The following CCSER1 variants were observed in gnomAD, a reference collection of about 807,000 sequenced individuals.
The protein encoded by CCSER1 is serine-rich coiled-coil domain-containing protein 1.
CCSER1 carries 41 observed loss-of-function variants against 82.0 expected under a neutral mutation model. That is an observed-to-expected ratio of 0.50 (90% confidence interval 0.39 to 0.65). CCSER1 has a LOEUF of 0.65. CCSER1 is among the 30% of genes least tolerant of loss of function. The pLI, the probability that CCSER1 is intolerant of heterozygous loss-of-function variation, is 0.00. For synonymous variants in CCSER1, 414 were observed against 383.9 expected (o/e 1.08, Z -0.92); for missense variants, 1,119 against 1,064.2 (o/e 1.05, Z -0.72).
At chr4:90,161,679 G>T (rs1352963146) in intron 1 of CCSER1, among the ~76,000 whole-genome samples, 4 of 152,024 alleles carry the variant, frequency 2.6e-5, no homozygotes, top group African/African-American at 9.7e-5. Context: ...TTGAATCAGT[G>T]TGAATTAATA....
intron 10 of CCSER1, among the ~76,000 whole-genome samples, chr4:91,353,452 G>A (rs1191394128): frequency 1.3e-5 from 2 of 152,186 alleles, no homozygotes; most frequent in Non-Finnish European, 2.9e-5. Flanking sequence ...TAACTACTGG[G>A]TTTAGGCCAG....
At chr4:91,403,566 C>G (rs1395494579) in intron 10 of CCSER1, among the ~76,000 whole-genome samples, 1 of 152,042 alleles carries the variant, frequency 6.6e-6, no homozygotes, top group Non-Finnish European at 1.5e-5. Flanking sequence ...TGAGATACGT[C>G]CCATCGATAC....
At chr4:91,150,197 C>T (rs1234261878) in intron 10 of CCSER1, among the ~76,000 whole-genome samples, 1 of 152,136 alleles carries the variant, frequency 6.6e-6, no homozygotes, top group East Asian at 1.9e-4. Flanking sequence ...TCCTTCACAT[C>T]CCTTGTAAGT....
intron 6 of CCSER1, among the ~76,000 whole-genome samples, chr4:90,655,118 C>T (rs1422652029): frequency 6.6e-6 from 1 of 151,830 alleles, no homozygotes; most frequent in Non-Finnish European, 1.5e-5. Context: ...GATATTTGGC[C>T]TGGTGGTTTT....
chr4:90,428,836 A>G (rs1757879589), intron 4 of CCSER1, among the ~76,000 whole-genome samples: 1 of 151,876 alleles, frequency 6.6e-6, no homozygotes, highest in Non-Finnish European at 1.5e-5. Flanking sequence ...AAGATTATCA[A>G]AAACAAGGAA....
At chr4:91,550,235 T>C (rs1762096272) in intron 10 of CCSER1, among the ~76,000 whole-genome samples, 1 of 152,218 alleles carries the variant, frequency 6.6e-6, no homozygotes, top group South Asian at 2.1e-4. Flanking sequence ...TGGAATGTTT[T>C]CTGGTATTTA....
chr4:90,600,073 A>G (rs1187672745), intron 5 of CCSER1, among the ~76,000 whole-genome samples: 1 of 152,176 alleles, frequency 6.6e-6, no homozygotes, highest in African/African-American at 2.4e-5. Context: ...GTGGAGTAGT[A>G]TTCTATTGTA....
intron 10 of CCSER1, among the ~76,000 whole-genome samples, chr4:91,529,425 G>T (rs540273786): frequency 4.8e-4 from 73 of 152,114 alleles, no homozygotes; most frequent in Non-Finnish European, 1.6e-4. Context: ...CATATTTTGG[G>T]AGATTTACAT....
At chr4:90,270,859 AAAAG>A (rs1219367004) in intron 1 of CCSER1, among the ~76,000 whole-genome samples, 1 of 152,184 alleles carries the variant, frequency 6.6e-6, no homozygotes, top group Non-Finnish European at 1.5e-5. Context: ...AACAATCTGA[AAAAG>A]AAATCAAGAA....
intron 10 of CCSER1, among the ~76,000 whole-genome samples, chr4:91,576,076 C>T (rs1763438749): frequency 6.6e-6 from 1 of 151,976 alleles, no homozygotes; most frequent in South Asian, 2.1e-4. Context: ...GCATTATTCA[C>T]AATAGACAAG....
chr4:90,264,979 G>A lies in CCSER1; in HGVS notation c.-41-43265G>A, dbSNP rs186638055. 2.9e-3 allele frequency among the ~76,000 whole-genome samples: 443 copies of A among 151,920 alleles called. 4 individuals are homozygous for A. The highest frequency in any genetic ancestry group is 0.01 in the African/African-American group (425 of 41,502). ...TTGACTATTTTATTTTAAATTGAGG[G>A]TATAATTTTCTTCTGTCTTCATAAA... is the stretch of plus-strand genomic sequence containing the variant. On this transcript the variant is annotated intron_variant, in intron 1 of 10. Coordinates refer to ENST00000509176, the MANE Select transcript of CCSER1 (RefSeq NM_001145065.2).
intron 1 of CCSER1, among the ~76,000 whole-genome samples, chr4:90,135,057 C>A (rs1723422997): frequency 6.6e-6 from 1 of 152,060 alleles, no homozygotes; most frequent in Non-Finnish European, 1.5e-5. Flanking sequence ...TTGTCAAAAT[C>A]TATTTCTGTT....
chr4:90,769,922 C>T (rs1444727951), intron 7 of CCSER1, among the ~76,000 whole-genome samples: 1 of 152,136 alleles, frequency 6.6e-6, no homozygotes, highest in Non-Finnish European at 1.5e-5. Flanking sequence ...TTCAGGCCCT[C>T]ATATAATCCC....
intron 5 of CCSER1, among the ~76,000 whole-genome samples, chr4:90,501,327 G>T (rs958338636): frequency 3.9e-5 from 6 of 152,086 alleles, no homozygotes; most frequent in African/African-American, 1.4e-4. Context: ...AAAAATTCTA[G>T]ATCTTGCAAT....
intron 7 of CCSER1, among the ~76,000 whole-genome samples, chr4:90,788,314 C>T (rs1754789352): frequency 6.6e-6 from 1 of 152,002 alleles, no homozygotes; most frequent in Admixed American, 6.6e-5. Context: ...ATGGGTGTGT[C>T]TATGTATTAG....
chr4:91,426,812 A>G (rs557773285), intron 10 of CCSER1, among the ~76,000 whole-genome samples: 1 of 152,318 alleles, frequency 6.6e-6, no homozygotes, highest in South Asian at 2.1e-4. Flanking sequence ...TTTATATAAA[A>G]AAATGATTCC....
At chr4:91,011,773 C>T (rs1739022095) in intron 9 of CCSER1, among the ~76,000 whole-genome samples, 1 of 134,384 alleles carries the variant, frequency 7.4e-6, no homozygotes, top group African/African-American at 2.5e-5. Flanking sequence ...GTAGTGGTGA[C>T]TCTGGGCCCT....
At chr4:91,443,197 A>G (rs1755311499) in intron 10 of CCSER1, among the ~76,000 whole-genome samples, 1 of 152,132 alleles carries the variant, frequency 6.6e-6, no homozygotes, top group Non-Finnish European at 1.5e-5. Flanking sequence ...GGCACTATTC[A>G]TAATAGCAAA....
At chr4:91,598,429 A>G (rs1474688140) in intron 10 of CCSER1, 143 bp from the exon 11 acceptor site, 4 of 846,828 alleles carry the variant, frequency 4.7e-6, no homozygotes, top group Non-Finnish European at 7.0e-6. Context: ...ATTTAATCCC[A>G]TGGTTAATTG....
Sources: gnomAD v4.1 joint callset for allele counts (sites outside exome capture counted in the v4.1 genomes callset) on GRCh38, gnomAD v4.1.1 for gene constraint, MANE v1.5 for transcripts, NCBI Gene and HGNC (gene_info 2026-07-23, HGNC 2026-07-21) for gene names.